The following DLD variants were observed in gnomAD, a reference collection of about 807,000 sequenced individuals.
DLD encodes the protein dihydrolipoamide dehydrogenase.
DLD carries 36 observed loss-of-function variants against 62.2 expected under a neutral mutation model. The observed-to-expected ratio is 0.58, with a 90% CI of 0.44 to 0.76. The LOEUF (loss-of-function observed/expected upper bound fraction) is 0.76. Among genes scored for constraint, DLD ranks in the 30% least tolerant of loss-of-function variants. The pLI, the probability that DLD is intolerant of heterozygous loss-of-function variation, is 0.00. For missense variants in DLD, 541 were observed against 608.6 expected (o/e 0.89, Z 1.17); for synonymous variants, 204 against 199.6 (o/e 1.02, Z -0.19).
At chr7:107,912,208 C>T (rs1473076381) in intron 8 of DLD, among the ~76,000 whole-genome samples, 4 of 151,928 alleles carry the variant, frequency 2.6e-5, no homozygotes, top group Non-Finnish European at 4.4e-5. Flanking sequence ...TGTATATGTA[C>T]CACATTTTCT....
At chr7:107,894,995 G>A (rs2031683014) in intron 2 of DLD, among the ~76,000 whole-genome samples, 1 of 152,188 alleles carries the variant, frequency 6.6e-6, no homozygotes, top group Non-Finnish European at 1.5e-5. Flanking sequence ...CATATTTATT[G>A]AATGAATGAA....
chr7:107,893,665 T>C, intron 2 of DLD: 1 of 159,158 alleles, frequency 6.3e-6, no homozygotes, highest in Non-Finnish European at 1.4e-5. Context: ...GTGAGGTTAC[T>C]TCAGGCAGAG....
At chr7:107,909,251 T>C (rs759537714) in intron 8 of DLD, among the ~76,000 whole-genome samples, 1 of 152,220 alleles carries the variant, frequency 6.6e-6, no homozygotes, top group Non-Finnish European at 1.5e-5. Flanking sequence ...CCAATCTATA[T>C]CTTAGTCTTG....
At chr7:107,893,740 G>A (rs1452030922) in intron 2 of DLD, among the ~76,000 whole-genome samples, 1 of 152,092 alleles carries the variant, frequency 6.6e-6, no homozygotes, top group Non-Finnish European at 1.5e-5. Flanking sequence ...GTAATAAGAA[G>A]GCTGGTATGA....
Position 107,917,588 on chromosome 7 carries a change from A to C in DLD, c.1236+126A>C, listed in dbSNP as rs1488880760. 1.1e-5 allele frequency: 11 copies of C among 1,025,790 alleles called. 1 individual carries two copies. The South Asian group carries it at 1.5e-4, about 14-fold the overall frequency. The allele number at this position is 1,025,790 out of a possible 1,614,324, so 63.5% of individuals were successfully genotyped here. A position where few individuals can be genotyped will look rare whatever the true frequency, so the allele number is the denominator to read the frequency against. On this transcript the variant is annotated intron_variant, in intron 11 of 13. Coordinates refer to ENST00000205402, the MANE Select transcript of DLD (RefSeq NM_000108.5). Reference sequence around the variant, plus strand: ...AGCTGTGAAATATTGTTTAGCTTATATATTTTTCCCTTGTTAGCATTATAA... The same window carrying C: ...AGCTGTGAAATATTGTTTAGCTTATCTATTTTTCCCTTGTTAGCATTATAA...
At chr7:107,891,484 G>A (rs2031572244) in intron 1 of DLD, 195 bp downstream of exon 1, 5 of 665,192 alleles carry the variant, frequency 7.5e-6, no homozygotes, top group Admixed American at 2.4e-5. Context: ...GCAGGCGAGG[G>A]ACGGGGCTGG....
At chr7:107,916,191 C>G (rs1459171147) in intron 9 of DLD, among the ~76,000 whole-genome samples, 1 of 152,110 alleles carries the variant, frequency 6.6e-6, no homozygotes, top group African/African-American at 2.4e-5. Flanking sequence ...ACTTGTCACA[C>G]AGCTAGTGGG....
Position 107,916,860 on chromosome 7 carries a change from C to CCGACGACCCTTTACTAAGAATTTGGG in DLD, c.943_968dup (p.Leu324AspfsTer10), listed in dbSNP as rs750641443. The CCGACGACCCTTTACTAAGAATTTGGG allele has an allele frequency of 6.2e-7, 1 of 1,612,884 alleles. No individual in the cohort carries two copies. The highest frequency in any genetic ancestry group is 1.3e-5 in the African/African-American group (1 of 74,554). ...GTGATGTACTCTTGGTTTGCATTGG[C>CCGACGACCCTTTACTAAGAATTTGGG]CGACGACCCTTTACTAAGAATTTGG... On this transcript the variant is annotated frameshift_variant, in exon 10 of 14. Transcript: ENST00000205402. LOFTEE classifies it high-confidence loss of function.
At chr7:107,898,270 C>CTTTTTTTTTTTTT (rs67913323) in intron 2 of DLD, among the ~76,000 whole-genome samples, 2 of 65,572 alleles carry the variant, frequency 3.1e-5, no homozygotes, top group African/African-American at 6.5e-5. Context: ...TTTCTGTATC[C>CTTTTTTTTTTTTT]TTTTTTTTTT....
At chr7:107,894,058 A>G (rs1048801361) in intron 2 of DLD, among the ~76,000 whole-genome samples, 9 of 152,226 alleles carry the variant, frequency 5.9e-5, no homozygotes, top group African/African-American at 9.6e-5. Context: ...AAAGGAAGCT[A>G]TGGGTCATGG....
At chr7:107,909,839 C>CTTTTTTTTTTTTTTTTTTTTTTTTT (rs71134292) in intron 8 of DLD, among the ~76,000 whole-genome samples, 1 of 73,052 alleles carries the variant, frequency 1.4e-5, no homozygotes, top group Non-Finnish European at 2.3e-5. Context: ...GGAGAATTAA[C>CTTTTTTTTTTTTTTTTTTTTTTTTT]TTTTTTTTTT....
In DLD at chr7:107,921,004, G is replaced by C. The variant is rs896853165; in HGVS notation, c.*1745G>C. The C allele has an allele frequency of 2.0e-5, 3 of 152,158 alleles. No individual in the cohort carries two copies. The highest frequency in any genetic ancestry group is 7.3e-5 in the African/African-American group (3 of 41,368). 9.4% of individuals were successfully genotyped at this position (152,158 alleles called of 1,614,324 possible). On this transcript the variant is annotated 3_prime_UTR_variant, in exon 14 of 14. Transcript: ENST00000205402. ...AAATCCCGGTATCATGTGAAGTGCT[G>C]TTTATGTAAATCTCAACATATCCCT...
At chr7:107,917,092 T>A in intron 10 of DLD, 128 bp downstream of exon 10, 2 of 1,219,408 alleles carry the variant, frequency 1.6e-6, no homozygotes, top group Non-Finnish European at 2.3e-6. Context: ...TTACAAAATG[T>A]AAAATAAAAA....
intron 7 of DLD, 102 bp downstream of exon 7, chr7:107,905,606 A>G (rs940687645): frequency 4.6e-5 from 59 of 1,294,710 alleles, no homozygotes; most frequent in Non-Finnish European, 6.2e-5. Flanking sequence ...TTCTGACTGA[A>G]ATACTATATT....
rs143542544 is a variant in DLD at position 107,899,390 on chromosome 7, A to T, written c.119-2348A>T. 2.0e-3 allele frequency among the ~76,000 whole-genome samples: 303 copies of T among 151,648 alleles called. 2 individuals carry two copies. The highest frequency in any genetic ancestry group is 7.0e-3 in the African/African-American group (290 of 41,318). On this transcript the variant is annotated intron_variant, in intron 2 of 13. Coordinates refer to ENST00000205402, the MANE Select transcript of DLD (RefSeq NM_000108.5). ...TTTAAAAAAAAACACCTAAGATTACATAGTGAATAGGGAAGTAAAACCCAA... is the reference window on the plus strand; with the variant it reads ...TTTAAAAAAAAACACCTAAGATTACTTAGTGAATAGGGAAGTAAAACCCAA...
chr7:107,908,677 A>AC lies in DLD; in HGVS notation c.684+2309_684+2310insC, dbSNP rs1554399251. On this transcript the variant is annotated intron_variant, in intron 8 of 13. Transcript: ENST00000205402. ...GTGAGACCCTGTCTCAAAAAAAAAA[A>AC]AAAACCCCAAAACAAAAATCAGCTT... is the stretch of plus-strand genomic sequence containing the variant. Among the ~76,000 whole-genome samples the AC allele has an allele frequency of 8.6e-3, 1,299 of 151,722 alleles. 13 individuals carry two copies. The highest frequency in any genetic ancestry group is 0.029 in the African/African-American group (1,212 of 41,290).
chr7:107,910,294 T>C (rs1367388028), intron 8 of DLD, among the ~76,000 whole-genome samples: 1 of 152,244 alleles, frequency 6.6e-6, no homozygotes, highest in East Asian at 1.9e-4. Context: ...TACTTTCTTT[T>C]GTTGGTCATT....
chr7:107,904,956 A>G lies in DLD; in HGVS notation c.338-2A>G, dbSNP rs1460356604. 1 of 1,608,178 alleles carries G rather than the reference A, an allele frequency of 6.2e-7. No homozygotes were observed. The highest frequency in any genetic ancestry group is 1.3e-5 in the African/African-American group (1 of 74,790). ...ACTAAAGATTAATTGAACAAATTAC[A>G]GTGTCCGAAGTTCGCTTGAATTTAG... On this transcript the variant is annotated splice_acceptor_variant, in intron 5 of 13. Coordinates refer to ENST00000205402, the MANE Select transcript of DLD (RefSeq NM_000108.5). LOFTEE classifies it high-confidence loss of function.
intron 8 of DLD, among the ~76,000 whole-genome samples, chr7:107,909,105 AT>A (rs898665689): frequency 5.3e-5 from 8 of 152,202 alleles, no homozygotes; most frequent in Non-Finnish European, 8.8e-5. Context: ...AGTTGTTTTT[AT>A]AAAGCAGACA....
Sources: gnomAD v4.1 joint callset for allele counts (sites outside exome capture counted in the v4.1 genomes callset) on GRCh38, gnomAD v4.1.1 for gene constraint, MANE v1.5 for transcripts, NCBI Gene and HGNC (gene_info 2026-07-23, HGNC 2026-07-21) for gene names.